The following PARVB variants were observed in gnomAD, a reference collection of about 807,000 sequenced individuals.
The protein encoded by PARVB is beta-parvin.
Under a neutral mutation model 47.0 loss-of-function variants are expected in PARVB, and 46 were observed. The observed-to-expected ratio is 0.98, with a 90% CI of 0.77 to 1.25. The LOEUF (loss-of-function observed/expected upper bound fraction) is 1.25. Among genes scored for constraint, PARVB ranks in the 50% most tolerant of loss-of-function variants. The pLI, the probability that PARVB is intolerant of heterozygous loss-of-function variation, is 0.00. For missense variants in PARVB, 473 were observed against 471.6 expected, an observed-to-expected ratio of 1.00 and a Z score of -0.03; for synonymous variants, 196 against 196.3, an observed-to-expected ratio of 1.00 and a Z score of 0.01.
At chr22:44,109,758 A>G (rs2052649367) in intron 3 of PARVB, 1 of 151,508 alleles carries the variant, frequency 6.6e-6, no homozygotes, top group Non-Finnish European at 1.5e-5. Context: ...AGTTTTCTTT[A>G]TAGCAGCAAT....
At chr22:44,150,587 C>G (rs1027686560) in intron 9 of PARVB, 1 of 150,494 alleles carries the variant, frequency 6.6e-6, no homozygotes, top group African/African-American at 2.5e-5. Flanking sequence ...AGGAGAATCG[C>G]TTGAACCTGG....
chr22:44,167,675 G>C (rs949227722), intron 12 of PARVB, among the ~76,000 whole-genome samples: 1 of 151,992 alleles, frequency 6.6e-6, no homozygotes, highest in African/African-American at 2.4e-5. Context: ...GGGAGACCCT[G>C]GGATCCCTGA....
At chr22:44,011,889 A>G (rs1282770275) in intron 2 of PARVB, among the ~76,000 whole-genome samples, 1 of 152,068 alleles carries the variant, frequency 6.6e-6, no homozygotes, top group Non-Finnish European at 1.5e-5. Context: ...ACTGCTCTCA[A>G]ATTGGGTGGG....
At chr22:44,015,548 G>A (rs1846944947) in intron 2 of PARVB, among the ~76,000 whole-genome samples, 1 of 152,290 alleles carries the variant, frequency 6.6e-6, no homozygotes, top group Non-Finnish European at 1.5e-5. Flanking sequence ...GCTGGGCGCG[G>A]TGACTCATGC....
At chr22:44,002,974 A>G (rs2050428133) in intron 2 of PARVB, among the ~76,000 whole-genome samples, 1 of 152,198 alleles carries the variant, frequency 6.6e-6, no homozygotes, top group Non-Finnish European at 1.5e-5. Context: ...GAGATTCAGC[A>G]TTATCTTGTT....
intron 4 of PARVB, among the ~76,000 whole-genome samples, chr22:44,122,768 C>G (rs1258130182): frequency 6.6e-6 from 1 of 152,160 alleles, no homozygotes; most frequent in African/African-American, 2.4e-5. Flanking sequence ...TTTGTACATT[C>G]TTTTACACAC....
At chr22:44,168,260 G>A (rs1473030325) in intron 12 of PARVB, 4 of 238,832 alleles carry the variant, frequency 1.7e-5, no homozygotes, top group African/African-American at 2.2e-5. Flanking sequence ...GTGTTACTGG[G>A]GTTTTTGGTC....
intron 1 of PARVB, among the ~76,000 whole-genome samples, chr22:44,036,031 G>A (rs886877213): frequency 1.3e-5 from 2 of 152,162 alleles, no homozygotes; most frequent in African/African-American, 4.8e-5. Flanking sequence ...GCCGAGGCGG[G>A]CGGATCACTT....
At chr22:44,074,869 T>C (rs1473437104) in intron 1 of PARVB, among the ~76,000 whole-genome samples, 1 of 152,028 alleles carries the variant, frequency 6.6e-6, no homozygotes, top group Non-Finnish European at 1.5e-5. Context: ...CCACCTCATG[T>C]CTGCACTAGG....
intron 1 of PARVB, among the ~76,000 whole-genome samples, chr22:44,029,236 T>G (rs1284545088): frequency 5.3e-5 from 8 of 152,138 alleles, no homozygotes; most frequent in Admixed American, 5.2e-4. Flanking sequence ...CCACCTGCCT[T>G]GGCCTCCCAA....
intron 1 of PARVB, among the ~76,000 whole-genome samples, chr22:44,069,590 G>A (rs1380613268): frequency 2.6e-5 from 4 of 152,054 alleles, no homozygotes; most frequent in East Asian, 3.9e-4. Flanking sequence ...GTGCAATGGC[G>A]CGATCTTGGC....
intron 1 of PARVB, chr22:44,081,597 A>C (rs532861800): frequency 1.0e-6 from 1 of 985,232 alleles, no homozygotes; most frequent in South Asian, 4.7e-5. Context: ...TAGCTTCTGC[A>C]CGGCCGTTTC....
chr22:44,164,408 G>GA (rs1601709484), intron 12 of PARVB, among the ~76,000 whole-genome samples: 1 of 43,286 alleles, frequency 2.3e-5, no homozygotes, highest in African/African-American at 1.9e-4. Flanking sequence ...TTGCTTCCCT[G>GA]TCCCCCCCCC....
At position 44,086,729 on chromosome 22, in the gene PARVB, G is replaced by A. The variant is rs1413053383; in HGVS notation, c.113-7199G>A. ...TGAAGTACAACTGGACTTATTTTTA[G>A]AAAAACTGCTCTGTTAAGAAGACCT... On this transcript the variant is annotated intron_variant, in intron 1 of 12. Transcript: ENST00000338758. 7.1e-6 allele frequency: 7 copies of A among 985,018 alleles called. No homozygotes were observed. In the African/African-American group the frequency reaches 1.2e-4, roughly 17 times the overall value. The allele number at this position is 985,018 out of a possible 1,614,324, so 61.0% of individuals were successfully genotyped here. A position where few individuals can be genotyped will look rare whatever the true frequency, so the allele number is the denominator to read the frequency against.
intron 12 of PARVB, among the ~76,000 whole-genome samples, chr22:44,164,954 A>G (rs2054134561): frequency 6.6e-6 from 1 of 152,096 alleles, no homozygotes; most frequent in Admixed American, 6.5e-5. Context: ...GGGGTTTCAC[A>G]GGACAATTTC....
chr22:44,083,219 G>A (rs907508381), intron 1 of PARVB, among the ~76,000 whole-genome samples: 4 of 152,196 alleles, frequency 2.6e-5, no homozygotes, highest in African/African-American at 9.7e-5. Context: ...TGTGAGAGCC[G>A]TCAGTTCAGT....
At chr22:44,097,846 A>G (rs1265555970) in intron 2 of PARVB, among the ~76,000 whole-genome samples, 1 of 152,064 alleles carries the variant, frequency 6.6e-6, no homozygotes, top group African/African-American at 2.4e-5. Flanking sequence ...AAGCCTCGAA[A>G]CGGCATCTCT....
chr22:44,137,601 G>A (rs887698405), intron 7 of PARVB, among the ~76,000 whole-genome samples: 2 of 152,196 alleles, frequency 1.3e-5, no homozygotes, highest in African/African-American at 4.8e-5. Flanking sequence ...TCAGCTGGGC[G>A]GTTGTTCAGC....
Position 44,024,428 on chromosome 22 carries a change from C to T in PARVB, c.89C>T (p.Ala30Val), listed in dbSNP as rs1431286122. The T allele has an allele frequency of 2.4e-5, 30 of 1,228,918 alleles. 1 individual carries two copies. The highest frequency in any genetic ancestry group is 2.7e-5 in the Non-Finnish European group (26 of 974,204). 76.1% of individuals were successfully genotyped at this position (1,228,918 alleles called of 1,614,324 possible). ...CTGGGCAAGCTGGGCGGCACCCTGG[C>T]CAGGAAGCGGAGGGCGCGCGAGGGT... ...SFLGKLGGTL[A>V]RKRRAREVSD... The change falls in exon 1 of 13, where the codon GCC becomes GTC. Residue 30 changes from alanine (A) to valine (V), a missense_variant. Ala to Val is a moderately conservative substitution (Grantham distance 64, BLOSUM62 0). Transcript: ENST00000338758.
Sources: gnomAD v4.1 joint callset for allele counts (sites outside exome capture counted in the v4.1 genomes callset) on GRCh38, gnomAD v4.1.1 for gene constraint, MANE v1.5 for transcripts, NCBI Gene and HGNC (gene_info 2026-07-23, HGNC 2026-07-21) for gene names.